The following TRIP12 variants were observed in gnomAD, a reference collection of about 807,000 sequenced individuals.
TRIP12 encodes thyroid hormone receptor interactor 12, also known as E3 ubiquitin-protein ligase TRIP12.
Under a neutral mutation model 244.2 loss-of-function variants are expected in TRIP12, and 25 were observed. The ratio of observed to expected loss-of-function variants is 0.10; its 90% CI spans 0.07 to 0.14. The LOEUF (loss-of-function observed/expected upper bound fraction) is 0.14. Ranked by LOEUF, TRIP12 falls within the 10% of genes least tolerant of loss-of-function variation. The pLI is 1.00. For missense variants in TRIP12, 1,677 were observed against 2,486.4 expected (o/e 0.67, Z 6.92); for synonymous variants, 905 against 873.1 (o/e 1.04, Z -0.64).
chr2:229,842,404 A>C (rs2056646559), intron 4 of TRIP12, among the ~76,000 whole-genome samples: 1 of 152,232 alleles, frequency 6.6e-6, no homozygotes, highest in Non-Finnish European at 1.5e-5. Context: ...ACATTTGGCT[A>C]ATTAGCATCA....
At position 229,818,490 on chromosome 2, in the gene TRIP12, T is replaced by C. The variant is rs2049055826; in HGVS notation, c.1473A>G (p.Leu491=). 2 of 1,614,146 alleles carry C rather than the reference T, an allele frequency of 1.2e-6. No homozygotes were observed. Among genetic ancestry groups the C allele is most frequent in the East Asian group, 2.2e-5 (1 of 44,878 alleles). Residue 491 remains leucine (L), a synonymous_variant, in exon 9 of 42, where the codon CTA becomes CTG. Coordinates refer to ENST00000675903, the MANE Select transcript of TRIP12 (RefSeq NM_001348323.3). ...SGASSKAQQL[L]QGLQASDESQ... is the part of the protein sequence containing the mutation. ...TTTCATCACTGGCTTGCAATCCTTG[T>C]AGTAGCTGCTGGGCCTTAGAACCTT...
chr2:229,916,885 G>C lies in TRIP12; in HGVS notation c.-50+4995C>G, dbSNP rs1251594858. ...TAAAAAAAAAAAAAGAAAAATCAAG[G>C]GACAGGTCTAGCATCGGTATACTTA... On this transcript the variant is annotated intron_variant, in intron 1 of 41. Coordinates refer to ENST00000675903, the MANE Select transcript of TRIP12 (RefSeq NM_001348323.3). Among the ~76,000 whole-genome samples, 3 of 150,978 alleles carry C rather than the reference G, an allele frequency of 2.0e-5. No individual in the cohort carries two copies. The East Asian group carries it at 5.8e-4, about 29-fold the overall frequency.
At chr2:229,913,001 C>T (rs568260475) in intron 1 of TRIP12, among the ~76,000 whole-genome samples, 14 of 152,230 alleles carry the variant, frequency 9.2e-5, no homozygotes, top group Non-Finnish European at 1.8e-4. Context: ...CAGGCATGCA[C>T]CACCACATCA....
chr2:229,791,225 T>C lies in TRIP12; in HGVS notation c.4442A>G (p.Glu1481Gly). 1 of 1,614,090 alleles carries C rather than the reference T, an allele frequency of 6.2e-7. No individual in the cohort carries two copies. The highest frequency in any genetic ancestry group is 8.5e-7 in the Non-Finnish European group (1 of 1,179,980). The stretch of plus-strand genomic sequence containing the variant: ...ACCACCAACACAATCTTTATTACTT[T>C]CTTCATCCTCTCTCACAGGTTTATA... ...IWYKPVREDE[E>G]SNKDCVGGKR... Residue 1481 changes from glutamate to glycine, a missense_variant, in exon 30 of 42, where the codon GAA becomes GGA. This residue lies in a region of TRIP12 where 265 missense variants were observed against 370.8 expected (regional missense o/e 0.71). Coordinates refer to ENST00000675903, the MANE Select transcript of TRIP12 (RefSeq NM_001348323.3).
At chr2:229,840,302 T>G (rs910287577) in intron 5 of TRIP12, among the ~76,000 whole-genome samples, 1 of 152,136 alleles carries the variant, frequency 6.6e-6, no homozygotes, top group Admixed American at 6.5e-5. Context: ...ATAGAATGAT[T>G]AGAACTTAGT....
chr2:229,843,556 C>A (rs2154315190), intron 4 of TRIP12, among the ~76,000 whole-genome samples: 1 of 152,132 alleles, frequency 6.6e-6, no homozygotes, highest in East Asian at 1.9e-4. Context: ...AGATCTTGTC[C>A]TCACAAGAAA....
intron 1 of TRIP12, among the ~76,000 whole-genome samples, chr2:229,917,380 CAAAAAAAAAAAAAAAAAAAA>C (rs60397605): frequency 0.011 from 315 of 29,272 alleles, 7 homozygotes; most frequent in Middle Eastern, 0.023. Context: ...GACTCTGTCT[CAAAAAAAAAAAAAAAAAAAA>C]AAAAAAAAAA....
intron 2 of TRIP12, among the ~76,000 whole-genome samples, chr2:229,860,871 T>A (rs2060366015): frequency 6.6e-6 from 1 of 152,170 alleles, no homozygotes; most frequent in African/African-American, 2.4e-5. Context: ...AAAAGCAAAT[T>A]TAGACTTTAG....
intron 21 of TRIP12, among the ~76,000 whole-genome samples, chr2:229,799,639 G>C (rs2043740362): frequency 1.3e-5 from 2 of 152,012 alleles, no homozygotes; most frequent in African/African-American, 4.8e-5. Context: ...GCCGGGCGTG[G>C]TGGCGGGCGC....
chr2:229,896,189 T>G (rs779582978), intron 1 of TRIP12, among the ~76,000 whole-genome samples: 1 of 152,090 alleles, frequency 6.6e-6, no homozygotes, highest in Non-Finnish European at 1.5e-5. Context: ...TTCAAAAAAA[T>G]TTATTCAAAT....
In TRIP12 at chr2:229,859,220, C is replaced by T. The variant is rs758728567; in HGVS notation, c.579G>A (p.Arg193=). The T allele has an allele frequency of 5.5e-5, 89 of 1,614,070 alleles. No homozygotes were observed. Among genetic ancestry groups the T allele is most frequent in the Middle Eastern group, 1.6e-4 (1 of 6,084 alleles). Residue 193 remains arginine, a synonymous_variant, in exon 4 of 42, where the codon AGG becomes AGA. Transcript: ENST00000675903. ...CACTCTTTACACAAGAACTCTCTGT[C>T]CTTTTTCTTTTCTGACTCCGTGAAC... The part of the protein sequence containing the change: ...TGGSRSQKRK[R]TESSCVKSGS...
intron 13 of TRIP12, among the ~76,000 whole-genome samples, chr2:229,813,198 C>T (rs1244561440): frequency 6.6e-6 from 1 of 152,172 alleles, no homozygotes; most frequent in African/African-American, 2.4e-5. Flanking sequence ...CCATATTCTC[C>T]TGCTCCCATC....
rs1292703195 is a variant in TRIP12 at position 229,793,103 on chromosome 2, G to T, written c.4011C>A (p.Asn1337Lys). ...GTAACTGGCATTTTAATTGATGTGT[G>T]TTGAAAAATTTTAAAGCCTGTGATC... The part of the protein sequence containing the change: ...NRGSQALKFF[N>K]THQLKCQLQR... The change falls in exon 27 of 42, where the codon AAC becomes AAA. Residue 1337 changes from asparagine to lysine, a missense_variant. Transcript: ENST00000675903. The T allele has an allele frequency of 6.2e-7, 1 of 1,613,438 alleles. No homozygotes were observed. Among genetic ancestry groups the T allele is most frequent in the Non-Finnish European group, 8.5e-7 (1 of 1,179,660 alleles).
intron 32 of TRIP12, 90 bp from the exon 33 acceptor site, chr2:229,787,751 T>C: frequency 8.7e-7 from 1 of 1,151,998 alleles, no homozygotes; most frequent in Non-Finnish European, 1.2e-6. Flanking sequence ...AAACAACTTT[T>C]GATATGATAT....
chr2:229,770,863 G>A (rs1436876015), intron 39 of TRIP12, among the ~76,000 whole-genome samples: 2 of 152,192 alleles, frequency 1.3e-5, no homozygotes, highest in Non-Finnish European at 1.5e-5. Flanking sequence ...GCTGCCATGT[G>A]AGATGTGCCT....
At chr2:229,887,288 T>C (rs746080006) in intron 1 of TRIP12, among the ~76,000 whole-genome samples, 2 of 152,190 alleles carry the variant, frequency 1.3e-5, no homozygotes, top group Non-Finnish European at 2.9e-5. Flanking sequence ...GGTGGCTAAC[T>C]TTGCCTTCAC....
intron 18 of TRIP12, among the ~76,000 whole-genome samples, chr2:229,805,222 A>AAACAACAACAACAACAACAACAAC (rs1297499840): frequency 0.085 from 12,685 of 149,346 alleles, 691 homozygotes; most frequent in Middle Eastern, 0.15. Context: ...GCCCTTTTCA[A>AAACAACAACAACAACAACAACAAC]AACAACAACA....
intron 2 of TRIP12, among the ~76,000 whole-genome samples, chr2:229,877,043 T>C (rs536256466): frequency 6.6e-5 from 10 of 151,474 alleles, no homozygotes; most frequent in South Asian, 2.1e-4. Flanking sequence ...GCAAAAGTAA[T>C]TGTGATTTTT....
intron 24 of TRIP12, among the ~76,000 whole-genome samples, chr2:229,797,404 A>T (rs1474959152): frequency 6.6e-6 from 1 of 152,174 alleles, no homozygotes; most frequent in Admixed American, 6.5e-5. Flanking sequence ...TAGAAAACAG[A>T]TGTGCTTGTG....
Sources: allele counts gnomAD v4.1 joint callset (sites outside exome capture counted in the v4.1 genomes callset), GRCh38; gene constraint gnomAD v4.1.1; regional missense constraint gnomAD v4.1.1; transcripts MANE v1.5; gene names NCBI Gene and HGNC (gene_info 2026-07-23, HGNC 2026-07-21).